Variants in DTWD2 observed in about 807,000 individuals in gnomAD.
DTWD2 encodes tRNA-uridine aminocarboxypropyltransferase 2.
DTWD2 carries 39 observed loss-of-function variants against 31.8 expected under a neutral mutation model. The observed-to-expected ratio is 1.22, with a 90% CI of 0.95 to 1.60. DTWD2 has a LOEUF of 1.60. Among genes scored for constraint, DTWD2 ranks in the 40% most tolerant of loss-of-function variants. DTWD2 has a pLI of 0.00. For missense variants in DTWD2, 515 were observed against 381.5 expected (o/e 1.35, Z -2.92); for synonymous variants, 180 against 142.8 (o/e 1.26, Z -1.86).
chr5:118,969,318 G>T (rs1360451358), intron 1 of DTWD2, among the ~76,000 whole-genome samples: 1 of 152,198 alleles, frequency 6.6e-6, no homozygotes, highest in Non-Finnish European at 1.5e-5. Flanking sequence ...CACCCACTCA[G>T]CCAAAGGGCA....
intron 4 of DTWD2, among the ~76,000 whole-genome samples, chr5:118,894,059 A>T (rs529029045): frequency 6.6e-6 from 1 of 150,670 alleles, no homozygotes; most frequent in Non-Finnish European, 1.5e-5. Flanking sequence ...AAAAAAAAGG[A>T]AACTGACACA....
chr5:118,871,823 C>T (rs1033425767), intron 4 of DTWD2, among the ~76,000 whole-genome samples: 1 of 152,176 alleles, frequency 6.6e-6, no homozygotes, highest in African/African-American at 2.4e-5. Flanking sequence ...TATCCCCTAA[C>T]AAGCAAGTCG....
At chr5:118,929,847 C>G (rs898742608) in intron 3 of DTWD2, among the ~76,000 whole-genome samples, 1 of 152,156 alleles carries the variant, frequency 6.6e-6, no homozygotes, top group African/African-American at 2.4e-5. Flanking sequence ...AACTGAAAGT[C>G]TGACAACCTT....
intron 4 of DTWD2, among the ~76,000 whole-genome samples, chr5:118,905,182 T>C (rs1257710533): frequency 1.3e-5 from 2 of 152,164 alleles, no homozygotes; most frequent in Non-Finnish European, 2.9e-5. Flanking sequence ...CACATTTGAT[T>C]TGTTAAAATA....
intron 1 of DTWD2, among the ~76,000 whole-genome samples, chr5:118,983,484 T>C (rs1022553132): frequency 3.0e-4 from 45 of 152,224 alleles, no homozygotes; most frequent in African/African-American, 1.0e-3. Context: ...ACCTGCACTC[T>C]TCCCTTCTCT....
At chr5:118,923,423 C>G (rs765284926) in intron 4 of DTWD2, among the ~76,000 whole-genome samples, 23 of 152,128 alleles carry the variant, frequency 1.5e-4, no homozygotes, top group Non-Finnish European at 3.4e-4. Flanking sequence ...CGAAATATGA[C>G]CTTCCGGGTA....
At chr5:118,979,401 A>G (rs1343026105) in intron 1 of DTWD2, among the ~76,000 whole-genome samples, 1 of 152,222 alleles carries the variant, frequency 6.6e-6, no homozygotes, top group Non-Finnish European at 1.5e-5. Context: ...CTTTTATACT[A>G]TTGGTGGAAG....
chr5:118,950,804 C>G (rs1036756836), intron 1 of DTWD2, among the ~76,000 whole-genome samples: 1 of 152,232 alleles, frequency 6.6e-6, no homozygotes, highest in South Asian at 2.1e-4. Context: ...CTCAGAAATA[C>G]ATTGCTGCTT....
chr5:118,930,170 C>T (rs1167777570), intron 3 of DTWD2, among the ~76,000 whole-genome samples: 8 of 152,160 alleles, frequency 5.3e-5, no homozygotes, highest in African/African-American at 1.7e-4. Context: ...TTTCAGCAGA[C>T]CTTCAGAGGG....
intron 4 of DTWD2, among the ~76,000 whole-genome samples, chr5:118,858,478 T>C (rs1458434992): frequency 6.6e-6 from 1 of 152,202 alleles, no homozygotes; most frequent in African/African-American, 2.4e-5. Context: ...TAGAATAGCA[T>C]GTGAGTTAGA....
intron 1 of DTWD2, among the ~76,000 whole-genome samples, chr5:118,978,114 GC>G (rs555946544): frequency 1.3e-5 from 1 of 78,104 alleles, no homozygotes; most frequent in African/African-American, 4.6e-5. Flanking sequence ...AGGATTCCCT[GC>G]TTTTTTTTTT....
At chr5:118,866,182 AAATT>A (rs1752377500) in intron 4 of DTWD2, among the ~76,000 whole-genome samples, 1 of 152,140 alleles carries the variant, frequency 6.6e-6, no homozygotes, top group Non-Finnish European at 1.5e-5. Flanking sequence ...CTCCCACTTA[AAATT>A]AATTAGTTGT....
intron 3 of DTWD2, among the ~76,000 whole-genome samples, chr5:118,934,495 A>G (rs1753994848): frequency 6.6e-6 from 1 of 151,994 alleles, no homozygotes; most frequent in South Asian, 2.1e-4. Flanking sequence ...TATTTAATGT[A>G]TAATGTTATT....
chr5:118,960,629 T>A (rs970021090), intron 1 of DTWD2, among the ~76,000 whole-genome samples: 1 of 152,134 alleles, frequency 6.6e-6, no homozygotes, highest in Non-Finnish European at 1.5e-5. Flanking sequence ...CATGCACATG[T>A]ATGTTCAATG....
At chr5:118,956,136 C>A (rs529573091) in intron 1 of DTWD2, among the ~76,000 whole-genome samples, 2 of 152,290 alleles carry the variant, frequency 1.3e-5, no homozygotes, top group East Asian at 3.9e-4. Context: ...TGGGGAATAA[C>A]TACTGCATTA....
At chr5:118,886,076 T>C (rs1454887243) in intron 4 of DTWD2, among the ~76,000 whole-genome samples, 4 of 152,234 alleles carry the variant, frequency 2.6e-5, no homozygotes, top group Non-Finnish European at 5.9e-5. Flanking sequence ...CAGAAACCAC[T>C]ATCCACTTTA....
At chr5:118,970,071 G>A (rs1032865339) in intron 1 of DTWD2, among the ~76,000 whole-genome samples, 2 of 152,110 alleles carry the variant, frequency 1.3e-5, no homozygotes, top group Non-Finnish European at 2.9e-5. Context: ...ACCAAGCAGA[G>A]GAAAGAATCT....
intron 1 of DTWD2, among the ~76,000 whole-genome samples, chr5:118,971,043 C>T (rs780440169): frequency 1.5e-4 from 23 of 152,198 alleles, no homozygotes; most frequent in South Asian, 4.1e-4. Context: ...CACTGAAGTA[C>T]GCAAATCAGT....
intron 1 of DTWD2, among the ~76,000 whole-genome samples, chr5:118,949,804 G>A (rs1304981069): frequency 6.6e-6 from 1 of 152,178 alleles, no homozygotes; most frequent in Non-Finnish European, 1.5e-5. Flanking sequence ...GCGGCAATGA[G>A]TTGTGGCTGT....
Sources: gnomAD v4.1 joint callset for allele counts (sites outside exome capture counted in the v4.1 genomes callset) on GRCh38, gnomAD v4.1.1 for gene constraint, MANE v1.5 for transcripts, NCBI Gene and HGNC (gene_info 2026-07-23, HGNC 2026-07-21) for gene names.